The following CDC42BPA variants were observed in gnomAD, a reference collection of about 807,000 sequenced individuals.
The protein encoded by CDC42BPA is serine/threonine-protein kinase MRCK alpha.
A neutral mutation model predicts 223.5 loss-of-function variants in CDC42BPA; 80 were observed. The observed-to-expected ratio is 0.36, with a 90% CI of 0.30 to 0.43. The LOEUF (loss-of-function observed/expected upper bound fraction) is 0.43. Among genes scored for constraint, CDC42BPA ranks in the 20% least tolerant of loss-of-function variants. CDC42BPA has a pLI of 1.00. For synonymous variants in CDC42BPA, 694 were observed against 718.6 expected (o/e 0.97, Z 0.55); for missense variants, 1,743 against 2,099.9 (o/e 0.83, Z 3.32).
At position 227,029,121 on chromosome 1, in the gene CDC42BPA, C is replaced by T. The variant is rs750278536; in HGVS notation, c.3968G>A (p.Arg1323Gln). ...RLFPMSALDG[R>Q]ETDFYKLSET... ...TGACAGCTTGTAAAAATCGGTCTCT[C>T]GCCCATCCAATGCTGACATAGGAAA... Residue 1323 changes from arginine (R) to glutamine (Q), a missense_variant, in exon 30 of 37, where the codon CGA (arginine) becomes CAA (glutamine). Transcript: ENST00000366766. 17 of 1,611,694 alleles carry T rather than the reference C, an allele frequency of 1.1e-5. No individual in the cohort carries two copies. Among genetic ancestry groups the T allele is most frequent in the East Asian group, 2.2e-5 (1 of 44,890 alleles).
chr1:227,207,151 C>T (rs896216890), intron 3 of CDC42BPA, among the ~76,000 whole-genome samples: 1 of 130,914 alleles, frequency 7.6e-6, no homozygotes, highest in South Asian at 2.6e-4. Context: ...TCTCATTGTT[C>T]AATTCCCACC....
intron 10 of CDC42BPA, among the ~76,000 whole-genome samples, chr1:227,137,293 G>A (rs1454869085): frequency 3.3e-5 from 5 of 152,120 alleles, no homozygotes; most frequent in Non-Finnish European, 5.9e-5. Flanking sequence ...TCAGGGAAAT[G>A]CAAATTAAAA....
chr1:227,168,914 A>T (rs1665623055), intron 5 of CDC42BPA, among the ~76,000 whole-genome samples: 1 of 152,074 alleles, frequency 6.6e-6, no homozygotes, highest in Non-Finnish European at 1.5e-5. Flanking sequence ...TCTTGATCTC[A>T]AAGTACATGT....
intron 34 of CDC42BPA, among the ~76,000 whole-genome samples, chr1:227,008,916 G>C (rs1283849533): frequency 1.3e-5 from 2 of 152,108 alleles, no homozygotes; most frequent in African/African-American, 4.8e-5. Context: ...AATAGTCAAT[G>C]CTAGCAATTC....
intron 34 of CDC42BPA, among the ~76,000 whole-genome samples, chr1:227,007,061 T>C (rs761078260): frequency 2.6e-5 from 4 of 152,152 alleles, no homozygotes; most frequent in African/African-American, 4.8e-5. Context: ...ACCTTAACTC[T>C]ATAATGGAAA....
intron 32 of CDC42BPA, among the ~76,000 whole-genome samples, chr1:227,017,567 A>T (rs1666535745): frequency 1.3e-5 from 2 of 152,198 alleles, no homozygotes; most frequent in Admixed American, 1.3e-4. Context: ...GATACGGAGT[A>T]AAAAGAAGGA....
intron 11 of CDC42BPA, among the ~76,000 whole-genome samples, chr1:227,128,888 CT>C (rs1656387755): frequency 6.6e-6 from 1 of 152,120 alleles, no homozygotes; most frequent in African/African-American, 2.4e-5. Context: ...TTTATTTTTC[CT>C]GATAGCCTTT....
chr1:227,215,647 T>C (rs555251062), intron 2 of CDC42BPA, among the ~76,000 whole-genome samples: 2 of 152,290 alleles, frequency 1.3e-5, no homozygotes, highest in South Asian at 4.1e-4. Context: ...CAATAAGTGT[T>C]AGCTATGATT....
At position 227,213,233 on chromosome 1, in the gene CDC42BPA, A is replaced by C. The variant is rs775761703; in HGVS notation, c.271-14T>G. On this transcript the variant is annotated splice_polypyrimidine_tract_variant and intron_variant, in intron 2 of 36. Coordinates refer to ENST00000366766, the MANE Select transcript of CDC42BPA (RefSeq NM_001394014.1). ...TACTACAGCAACCTAGAAAAGATAA[A>C]GGAAATATAAATTTTAAAATAATGA... 7.7e-7 allele frequency: 1 copy of C among 1,301,436 alleles called. No homozygotes were observed. The highest frequency in any genetic ancestry group is 2.1e-5 in the Admixed American group (1 of 46,924). 80.6% of individuals were successfully genotyped at this position (1,301,436 alleles called of 1,614,324 possible).
chr1:227,310,197 A>G (rs1353010687), intron 1 of CDC42BPA, among the ~76,000 whole-genome samples: 3 of 152,240 alleles, frequency 2.0e-5, no homozygotes, highest in Admixed American at 6.5e-5. Flanking sequence ...ATAGTCAGAT[A>G]AACTTCATAA....
At chr1:227,207,050 T>C (rs1672866457) in intron 3 of CDC42BPA, among the ~76,000 whole-genome samples, 1 of 149,620 alleles carries the variant, frequency 6.7e-6, no homozygotes, top group South Asian at 2.2e-4. Context: ...CATTTAGCAT[T>C]AGGTATATCT....
At chr1:227,109,791 G>A (rs1686603613) in intron 14 of CDC42BPA, among the ~76,000 whole-genome samples, 1 of 151,224 alleles carries the variant, frequency 6.6e-6, no homozygotes, top group Non-Finnish European at 1.5e-5. Flanking sequence ...GGTTTACACA[G>A]GGTCAAGATC....
At chr1:227,089,107 CG>C (rs1682558991) in intron 16 of CDC42BPA, among the ~76,000 whole-genome samples, 1 of 152,128 alleles carries the variant, frequency 6.6e-6, no homozygotes. Flanking sequence ...TTTATTTAAA[CG>C]TTTTTATTTT....
At chr1:227,064,101 G>A (rs1035681617) in intron 21 of CDC42BPA, among the ~76,000 whole-genome samples, 2 of 151,980 alleles carry the variant, frequency 1.3e-5, no homozygotes, top group African/African-American at 2.4e-5. Flanking sequence ...CAGACTGTTG[G>A]GCTATAGATA....
intron 5 of CDC42BPA, among the ~76,000 whole-genome samples, chr1:227,161,011 G>C (rs1040172818): frequency 6.6e-5 from 10 of 152,152 alleles, no homozygotes; most frequent in African/African-American, 2.4e-4. Context: ...CATGAAACTG[G>C]ACAGGGAAAA....
At chr1:227,163,686 C>T (rs1664512082) in intron 5 of CDC42BPA, among the ~76,000 whole-genome samples, 1 of 150,730 alleles carries the variant, frequency 6.6e-6, no homozygotes, top group Non-Finnish European at 1.5e-5. Context: ...CTTCTCCCTG[C>T]ATGTGGGCTT....
At chr1:227,016,781 T>C (rs767831787) in intron 33 of CDC42BPA, 146 bp downstream of exon 33, 38 of 692,306 alleles carry the variant, frequency 5.5e-5, no homozygotes, top group African/African-American at 1.3e-4. Flanking sequence ...ACTGAGAAGT[T>C]ACATTCATTA....
At chr1:227,078,311 T>C (rs1220070046) in intron 17 of CDC42BPA, among the ~76,000 whole-genome samples, 1 of 152,190 alleles carries the variant, frequency 6.6e-6, no homozygotes, top group Non-Finnish European at 1.5e-5. Context: ...GTAAGGCATT[T>C]ATATTTAAGT....
chr1:227,006,576 A>C (rs1458465163), intron 34 of CDC42BPA, among the ~76,000 whole-genome samples: 2 of 152,214 alleles, frequency 1.3e-5, no homozygotes, highest in African/African-American at 4.8e-5. Flanking sequence ...TTTCCTCATG[A>C]GTATGAGTAA....
Sources: gnomAD v4.1 joint callset for allele counts (sites outside exome capture counted in the v4.1 genomes callset) on GRCh38, gnomAD v4.1.1 for gene constraint, MANE v1.5 for transcripts, NCBI Gene and HGNC (gene_info 2026-07-23, HGNC 2026-07-21) for gene names.